ATXN1: variants seen among roughly 807,000 people sequenced by gnomAD.
ATXN1 encodes the protein ataxin 1.
A neutral mutation model predicts 56.4 loss-of-function variants in ATXN1; 8 were observed. That is an observed-to-expected ratio of 0.14 (90% CI 0.08 to 0.26). The LOEUF is 0.26. Ranked by LOEUF, ATXN1 falls within the 10% of genes least tolerant of loss-of-function variation. ATXN1 has a pLI of 1.00. For missense variants in ATXN1, 987 were observed against 1,106.5 expected (o/e 0.89, Z 1.53); for synonymous variants, 514 against 494.6 (o/e 1.04, Z -0.52).
chr6:16,326,484 C>T lies in ATXN1; in HGVS notation c.1827G>A (p.Lys609=), dbSNP rs370491427. ...IQSAEISNDL[K]IDSSTVERIE... is the part of the protein sequence containing the mutation. ...TCCTCTCTACGGTGCTGGAGTCGAT[C>T]TTCAGGTCGTTGCTTATCTCTGCAC... is the stretch of plus-strand genomic sequence containing the variant. The change falls in exon 7 of 8, where the codon AAG becomes AAA. Residue 609 remains lysine (K), a synonymous_variant. Transcript: ENST00000436367. The surrounding 1 kb of genome is among the most constrained non-coding windows in gnomAD (Gnocchi z 6.6). The T allele has an allele frequency of 1.9e-5, 30 of 1,614,068 alleles. No homozygotes were observed. The African/African-American group carries it at 3.9e-4, about 21-fold the overall frequency.
chr6:16,368,411 C>G (rs2113486776), intron 6 of ATXN1, among the ~76,000 whole-genome samples: 1 of 136,154 alleles, frequency 7.3e-6, no homozygotes. Context: ...ACAAATAGAC[C>G]TTAGAGGTCA....
chr6:16,534,844 A>C (rs1225130236), intron 4 of ATXN1, among the ~76,000 whole-genome samples: 1 of 152,198 alleles, frequency 6.6e-6, no homozygotes, highest in East Asian at 1.9e-4. Context: ...GCTCTTGTAT[A>C]AACAGCTTTC....
At chr6:16,365,068 A>ATATG (rs1761890552) in intron 6 of ATXN1, among the ~76,000 whole-genome samples, 1 of 151,616 alleles carries the variant, frequency 6.6e-6, no homozygotes. Flanking sequence ...ATATATATAT[A>ATATG]TTTTATTACA....
At chr6:16,307,431 C>G (rs56171990) in intron 7 of ATXN1, among the ~76,000 whole-genome samples, 9,203 of 151,560 alleles carry the variant, frequency 0.061, 491 homozygotes, top group South Asian at 0.17. Context: ...CACTTTGGGA[C>G]ACCAAGGTGG....
intron 2 of ATXN1, among the ~76,000 whole-genome samples, chr6:16,730,482 A>AGTATGTAT (rs766987927): frequency 2.4e-5 from 2 of 84,980 alleles, no homozygotes; most frequent in South Asian, 8.4e-4. Context: ...AGGGTAAAAC[A>AGTATGTAT]GTATGTATAT....
intron 6 of ATXN1, among the ~76,000 whole-genome samples, chr6:16,358,074 G>A (rs1435497614): frequency 2.0e-5 from 3 of 152,024 alleles, no homozygotes; most frequent in Non-Finnish European, 4.4e-5. Context: ...GGCAAGAAGA[G>A]CAAACACCTA....
chr6:16,323,080 A>C (rs1760714313), intron 7 of ATXN1, among the ~76,000 whole-genome samples: 1 of 152,152 alleles, frequency 6.6e-6, no homozygotes, highest in Non-Finnish European at 1.5e-5. Flanking sequence ...GTCAGTAGAG[A>C]GATTTAGTGA....
Position 16,760,228 on chromosome 6 carries a change from G to C in ATXN1, c.-730+1070C>G, listed in dbSNP as rs910920615. Among the ~76,000 whole-genome samples the C allele has an allele frequency of 1.3e-4, 19 of 151,850 alleles. 2 individuals carry two copies. The highest frequency in any genetic ancestry group is 9.2e-4 in the Admixed American group (14 of 15,266). ...CAGGGCGCATCCCAATCCCCGCAGC[G>C]CCTCCTCCGCGGCGGCCGCCGCCTC... On this transcript the variant is annotated intron_variant, in intron 1 of 7. Coordinates refer to ENST00000436367, the MANE Select transcript of ATXN1 (RefSeq NM_001128164.2). The surrounding 1 kb of genome is among the most constrained non-coding windows in gnomAD (Gnocchi z 5.3).
intron 5 of ATXN1, among the ~76,000 whole-genome samples, chr6:16,519,531 T>C (rs1262409838): frequency 6.6e-6 from 1 of 152,222 alleles, no homozygotes; most frequent in Non-Finnish European, 1.5e-5. Flanking sequence ...CAGGCTCCAC[T>C]GGTAGGTGTC....
At chr6:16,441,089 A>G (rs1187265470) in intron 6 of ATXN1, among the ~76,000 whole-genome samples, 4 of 152,116 alleles carry the variant, frequency 2.6e-5, no homozygotes, top group African/African-American at 4.8e-5. Context: ...GCAGAATCCA[A>G]TTCATGGGGT....
Position 16,508,079 on chromosome 6 carries a change from G to C in ATXN1, c.-299+14548C>G, listed in dbSNP as rs1761013303. 2.6e-5 allele frequency among the ~76,000 whole-genome samples: 4 copies of C among 151,948 alleles called. No homozygotes were observed. In the South Asian group the frequency reaches 6.2e-4, roughly 24 times the overall value. ...GGGCTTGGCTATATGTCTTTTTTTG[G>C]CCAATGGGGTCTCAACAAATGTAAC... On this transcript the variant is annotated intron_variant, in intron 5 of 7. Transcript: ENST00000436367.
chr6:16,514,969 G>T (rs1464221124), intron 5 of ATXN1, among the ~76,000 whole-genome samples: 2 of 151,440 alleles, frequency 1.3e-5, no homozygotes, highest in Non-Finnish European at 2.9e-5. Flanking sequence ...GCGACAGAGC[G>T]AGGCTCTGTC....
At chr6:16,348,564 T>G (rs563479057) in intron 6 of ATXN1, among the ~76,000 whole-genome samples, 1 of 152,022 alleles carries the variant, frequency 6.6e-6, no homozygotes, top group East Asian at 1.9e-4. Flanking sequence ...TAGCCGGGCT[T>G]GGTGGTGAGT....
In ATXN1 at chr6:16,761,444, G is replaced by C. The variant is rs1255905819; in HGVS notation, c.-876C>G. On this transcript the variant is annotated 5_prime_UTR_variant, in exon 1 of 8. Coordinates refer to ENST00000436367, the MANE Select transcript of ATXN1 (RefSeq NM_001128164.2). ...AGTGAAACAGGTCCTGTACGGCTCC[G>C]CCACTGTAGTAGAAATGATGTCTGC... 2 of 456,560 alleles carry C rather than the reference G, an allele frequency of 4.4e-6. No homozygotes were observed. The highest frequency in any genetic ancestry group is 8.8e-6 in the Non-Finnish European group (2 of 226,848). 28.3% of individuals were successfully genotyped at this position (456,560 alleles called of 1,614,324 possible).
At chr6:16,448,733 T>C (rs1272625987) in intron 6 of ATXN1, among the ~76,000 whole-genome samples, 1 of 152,208 alleles carries the variant, frequency 6.6e-6, no homozygotes, top group Non-Finnish European at 1.5e-5. Context: ...CAGTGGAATT[T>C]GAAAACCACT....
At chr6:16,709,642 G>A (rs1416585638) in intron 2 of ATXN1, among the ~76,000 whole-genome samples, 1 of 152,030 alleles carries the variant, frequency 6.6e-6, no homozygotes, top group Non-Finnish European at 1.5e-5. Flanking sequence ...ATTTTAAGAG[G>A]AAAGAAAATC....
At chr6:16,344,256 T>G (rs756694167) in intron 6 of ATXN1, among the ~76,000 whole-genome samples, 1 of 152,210 alleles carries the variant, frequency 6.6e-6, no homozygotes, top group Non-Finnish European at 1.5e-5. Context: ...CCAATTAGTC[T>G]AACACCAGCC....
chr6:16,574,504 C>T (rs1429092185), intron 4 of ATXN1, among the ~76,000 whole-genome samples: 6 of 152,156 alleles, frequency 3.9e-5, no homozygotes, highest in South Asian at 4.1e-4. Flanking sequence ...CCACCGCACC[C>T]GGCCTAATTT....
rs191919382 is a variant in ATXN1, at chr6:16,456,152, C to A, written c.-161+29820G>T. Reference sequence around the variant, plus strand: ...TACTGCTCACTCTTTGGGTCTGTGCCATCTTTAAGAGCTGTAACACTCACC... The same window carrying A: ...TACTGCTCACTCTTTGGGTCTGTGCAATCTTTAAGAGCTGTAACACTCACC... On this transcript the variant is annotated intron_variant, in intron 6 of 7. Coordinates refer to ENST00000436367, the MANE Select transcript of ATXN1 (RefSeq NM_001128164.2). 2.6e-5 allele frequency among the ~76,000 whole-genome samples: 4 copies of A among 152,250 alleles called. No individual in the cohort carries two copies. In the East Asian group the frequency reaches 7.7e-4, roughly 29 times the overall value.
Sources: allele counts gnomAD v4.1 joint callset (sites outside exome capture counted in the v4.1 genomes callset), GRCh38; gene constraint gnomAD v4.1.1; non-coding constraint Gnocchi (gnomAD v3.1); transcripts MANE v1.5; gene names NCBI Gene and HGNC (gene_info 2026-07-23, HGNC 2026-07-21).